Variants in LRP1 observed in about 807,000 individuals in gnomAD.
The protein encoded by LRP1 is LDL receptor related protein 1, also known as prolow-density lipoprotein receptor-related protein 1.
In LRP1, 51 loss-of-function variants were observed where a neutral mutation model predicts 541.5. The observed-to-expected ratio is 0.09, with a 90% CI of 0.08 to 0.12. The LOEUF is 0.12. Ranked by LOEUF, LRP1 falls within the 10% of genes least tolerant of loss-of-function variation. The pLI is 1.00. For missense variants in LRP1, 3,878 were observed against 6,376.2 expected (o/e 0.61, Z 13.34); for synonymous variants, 2,219 against 2,470.8 (o/e 0.90, Z 3.02).
In LRP1 at chr12:57,206,934, T is replaced by C. The variant is rs192373615; in HGVS notation, c.11859+193T>C. ...CCAGCGTGGCAACATGGTGAAACCCTGTCTCTACTAAAAATACAAAAATTT... is the reference window on the plus strand; with the variant it reads ...CCAGCGTGGCAACATGGTGAAACCCCGTCTCTACTAAAAATACAAAAATTT... On this transcript the variant is annotated intron_variant, in intron 76 of 88. Coordinates refer to ENST00000243077, the MANE Select transcript of LRP1 (RefSeq NM_002332.3). This position sits in a 1 kb window ranked among gnomAD's most constrained non-coding sequence, Gnocchi z 4.7. Among the ~76,000 whole-genome samples the C allele has an allele frequency of 1.1e-4, 17 of 152,268 alleles. No homozygotes were observed. The highest frequency in any genetic ancestry group is 3.6e-4 in the African/African-American group (15 of 41,548).
At position 57,143,795 on chromosome 12, in the gene LRP1, A is replaced by G. The variant is rs761120621; in HGVS notation, c.445A>G (p.Lys149Glu). 2 of 1,613,538 alleles carry G rather than the reference A, an allele frequency of 1.2e-6. No homozygotes were observed. The highest frequency in any genetic ancestry group is 2.7e-5 in the African/African-American group (2 of 74,948). ...FQLQADGKTC[K>E]DFDECSVYGT... is the part of the protein sequence containing the mutation. ...GCTTCAGGCAGATGGCAAGACCTGC[A>G]AAGGTATGTGAGTGCATGTGCCTGT... Residue 149 changes from lysine (K) to glutamate (E), a missense_variant, in exon 4 of 89, where the codon AAA (lysine) becomes GAA (glutamate). By Grantham distance (56) the Lys-to-Glu change is moderately conservative (BLOSUM62 1). Coordinates refer to ENST00000243077, the MANE Select transcript of LRP1 (RefSeq NM_002332.3).
intron 11 of LRP1, among the ~76,000 whole-genome samples, chr12:57,159,003 C>G (rs546098090): frequency 6.6e-6 from 1 of 152,200 alleles, no homozygotes; most frequent in Non-Finnish European, 1.5e-5. Context: ...CATGTATGTG[C>G]GCACACAGGG....
At chr12:57,190,233 G>C (rs2036351304) in intron 42 of LRP1, among the ~76,000 whole-genome samples, 1 of 152,210 alleles carries the variant, frequency 6.6e-6, no homozygotes, top group Non-Finnish European at 1.5e-5. Flanking sequence ...GCCACACTCA[G>C]CTCCACAAGG....
intron 62 of LRP1, 32 bp downstream of exon 62, chr12:57,200,057 G>A: frequency 2.6e-6 from 4 of 1,544,700 alleles, no homozygotes; most frequent in Non-Finnish European, 3.5e-6. Flanking sequence ...CATCACCAGT[G>A]CCCGCTCCCC....
At chr12:57,161,170 T>C in intron 13 of LRP1, 55 bp downstream of exon 13, 1 of 1,549,386 alleles carries the variant, frequency 6.5e-7, no homozygotes. Context: ...AGACCATGCT[T>C]GGGCGTGGAT....
chr12:57,135,876 C>A (rs930915815), intron 1 of LRP1, among the ~76,000 whole-genome samples: 2 of 152,064 alleles, frequency 1.3e-5, no homozygotes, highest in African/African-American at 4.8e-5. Flanking sequence ...GAGGGGGCAC[C>A]ATGGCTGGGA....
intron 48 of LRP1, 60 bp downstream of exon 48, chr12:57,194,072 C>T (rs781711097): frequency 1.1e-5 from 16 of 1,444,008 alleles, no homozygotes; most frequent in Admixed American, 5.3e-5. Context: ...CTGCATCTCC[C>T]GCCTTCAGGC....
In LRP1 at chr12:57,201,385, A is replaced by G. The variant is rs2036651220; in HGVS notation, c.10346-112A>G. On this transcript the variant is annotated intron_variant, in intron 65 of 88. Coordinates refer to ENST00000243077, the MANE Select transcript of LRP1 (RefSeq NM_002332.3). The surrounding 1 kb of genome is among the most constrained non-coding windows in gnomAD (Gnocchi z 6.4). Reference sequence around the variant, plus strand: ...TGGGGATAAACTGTTCCTTCCTCCGAAGAAGTTGCTGGCAGGACCAAGGCC... The same window carrying G: ...TGGGGATAAACTGTTCCTTCCTCCGGAGAAGTTGCTGGCAGGACCAAGGCC... 6.7e-7 allele frequency: 1 copy of G among 1,486,272 alleles called. No homozygotes were observed. The highest frequency in any genetic ancestry group is 1.4e-5 in the African/African-American group (1 of 71,512). 92.1% of individuals were successfully genotyped at this position (1,486,272 alleles called of 1,614,324 possible).
chr12:57,202,422 T>A lies in LRP1; in HGVS notation c.10596T>A (p.Asp3532Glu), dbSNP rs1565752191. The A allele has an allele frequency of 6.2e-7, 1 of 1,611,550 alleles. No homozygotes were observed. Among genetic ancestry groups the A allele is most frequent in the South Asian group, 1.1e-5 (1 of 91,034 alleles). The stretch of plus-strand genomic sequence containing the variant: ...TGCCCTGACACTTGCCTCCTCCAGA[T>A]GAACGCACCTGTGAGCCATACCAGT... ...DGSDEPKEEC[D>E]ERTCEPYQFR... The change falls in exon 68 of 89, where the codon GAT becomes GAA. Residue 3532 changes from aspartate to glutamate, a missense_variant and splice_region_variant. Coordinates refer to ENST00000243077, the MANE Select transcript of LRP1 (RefSeq NM_002332.3).
At position 57,210,289 on chromosome 12, in the gene LRP1, G is replaced by A; in HGVS notation, c.12581-18G>A. ...TCCTATTCCCCTGGCTCTGCCCCTT[G>A]ACGGGCCCTTCCTGCAGCTCCCCGG... On this transcript the variant is annotated intron_variant, in intron 81 of 88. Transcript: ENST00000243077. 2 of 1,549,682 alleles carry A rather than the reference G, an allele frequency of 1.3e-6. No homozygotes were observed. Among genetic ancestry groups the A allele is most frequent in the Non-Finnish European group, 1.7e-6 (2 of 1,144,334 alleles).
At position 57,210,160 on chromosome 12, in the gene LRP1, C is replaced by A; in HGVS notation, c.12571C>A (p.Pro4191Thr). The A allele has an allele frequency of 1.3e-6, 2 of 1,599,436 alleles. No homozygotes were observed. Among genetic ancestry groups the A allele is most frequent in the Non-Finnish European group, 1.7e-6 (2 of 1,172,548 alleles). The change falls in exon 81 of 89, where the codon CCC becomes ACC. Residue 4191 changes from proline to threonine, a missense_variant. This residue lies in a region of LRP1 where 871 missense variants were observed against 1,212.4 expected (regional missense o/e 0.72). Transcript: ENST00000243077. ...CGTGCCTGTGCCCTCTCCAACGCCC[C>A]CCCCAGATGGTATGCTTATGCCCTC... ...TCVPVPSPTP[P>T]PDAPRPGTCN... is the part of the protein sequence containing the mutation.
In LRP1 at chr12:57,176,882, G is replaced by T. The variant is rs35877535; in HGVS notation, c.3992-159G>T. Among the ~76,000 whole-genome samples, 1,331 of 152,018 alleles carry T rather than the reference G, an allele frequency of 8.8e-3. 14 individuals are homozygous for T. The highest frequency in any genetic ancestry group is 0.03 in the African/African-American group (1,239 of 41,430). Reference sequence around the variant, plus strand: ...CTGTCTCAAAAAAAAAAAAAAAGTTGGGGAGACAATAGGAGTCCTACTCTT... The same window carrying T: ...CTGTCTCAAAAAAAAAAAAAAAGTTTGGGAGACAATAGGAGTCCTACTCTT... On this transcript the variant is annotated intron_variant, in intron 24 of 88. Transcript: ENST00000243077.
Position 57,138,535 on chromosome 12 carries a change from C to T in LRP1, c.144C>T (p.Asp48=), listed in dbSNP as rs779361898. Residue 48 remains aspartate (D), a synonymous_variant, in exon 2 of 89, where the codon GAC becomes GAT. Transcript: ENST00000243077. ...ITCISKGWRC[D]GERDCPDGSD... ...GTATCTCAAAGGGCTGGCGGTGCGA[C>T]GGTGAGAGGGACTGCCCAGACGGAT... 2.7e-5 allele frequency: 43 copies of T among 1,613,936 alleles called. No individual in the cohort carries two copies. Among genetic ancestry groups the T allele is most frequent in the South Asian group, 6.6e-5 (6 of 91,082 alleles).
chr12:57,149,897 T>A, intron 6 of LRP1: 1 of 633,672 alleles, frequency 1.6e-6, no homozygotes, highest in Non-Finnish European at 2.8e-6. Context: ...CCAGGCGAGA[T>A]CCCTGAGTAG....
In LRP1 at chr12:57,194,972, C is replaced by CT. The variant is rs753526109; in HGVS notation, c.8192-12dup. ...ACCCTTCCCCATCTAACTGTGGCTT[C>CT]TGACTGCCCCAGACAAGTTCTGCTC... On this transcript the variant is annotated splice_polypyrimidine_tract_variant and intron_variant, in intron 50 of 88. Transcript: ENST00000243077. 1.2e-4 allele frequency: 196 copies of CT among 1,606,956 alleles called. No individual in the cohort carries two copies. Among genetic ancestry groups the CT allele is most frequent in the Middle Eastern group, 1.7e-4 (1 of 6,052 alleles).
intron 41 of LRP1, among the ~76,000 whole-genome samples, chr12:57,186,801 T>A (rs1193771867): frequency 6.6e-6 from 1 of 152,254 alleles, no homozygotes; most frequent in Admixed American, 6.5e-5. Flanking sequence ...ACTCTAGTCT[T>A]TTCTCTTACA....
At chr12:57,142,562 C>T (rs936901365) in intron 3 of LRP1, among the ~76,000 whole-genome samples, 3 of 152,146 alleles carry the variant, frequency 2.0e-5, no homozygotes, top group Non-Finnish European at 2.9e-5. Flanking sequence ...AATGACCACG[C>T]GCACCCCTTC....
intron 6 of LRP1, among the ~76,000 whole-genome samples, chr12:57,153,911 TAA>T (rs79297731): frequency 5.0e-5 from 7 of 139,942 alleles, no homozygotes; most frequent in Admixed American, 7.2e-5. Flanking sequence ...AAAGCAAAGT[TAA>T]AAAAAAAAAA....
At chr12:57,181,004 G>A (rs1199530748) in intron 33 of LRP1, among the ~76,000 whole-genome samples, 153 bp from the exon 34 acceptor site, 1 of 152,208 alleles carries the variant, frequency 6.6e-6, no homozygotes, top group African/African-American at 2.4e-5. Flanking sequence ...AGGGGCCCAG[G>A]AGGACAGAAA....
Sources: allele counts gnomAD v4.1 joint callset (sites outside exome capture counted in the v4.1 genomes callset), GRCh38; gene constraint gnomAD v4.1.1; regional missense constraint gnomAD v4.1.1; non-coding constraint Gnocchi (gnomAD v3.1); transcripts MANE v1.5; gene names NCBI Gene and HGNC (gene_info 2026-07-23, HGNC 2026-07-21).